PRDM2: variants seen among roughly 807,000 people sequenced by gnomAD.
PRDM2 encodes PR/SET domain 2.
In PRDM2, 30 loss-of-function variants were observed where a neutral mutation model predicts 130.0. The ratio of observed to expected loss-of-function variants is 0.23; its 90% CI spans 0.17 to 0.31. The LOEUF is 0.31. Among genes scored for constraint, PRDM2 ranks in the 10% least tolerant of loss-of-function variants. PRDM2 has a pLI of 1.00. For missense variants in PRDM2, 2,011 were observed against 2,108.4 expected (o/e 0.95, Z 0.90); for synonymous variants, 871 against 782.4 (o/e 1.11, Z -1.89).
intron 4 of PRDM2, among the ~76,000 whole-genome samples, chr1:13,735,614 A>G (rs1489226855): frequency 6.6e-6 from 1 of 152,126 alleles, no homozygotes; most frequent in Non-Finnish European, 1.5e-5. Context: ...GACAGTACAG[A>G]TAGTTCCCAA....
intron 3 of PRDM2, among the ~76,000 whole-genome samples, chr1:13,732,363 C>T (rs1476800773): frequency 6.6e-6 from 1 of 152,082 alleles, no homozygotes; most frequent in African/African-American, 2.4e-5. Context: ...AAGTCATGTT[C>T]ATTAGAGACA....
intron 1 of PRDM2, among the ~76,000 whole-genome samples, chr1:13,711,149 T>A (rs1341179026): frequency 6.6e-6 from 1 of 152,098 alleles, no homozygotes; most frequent in African/African-American, 2.4e-5. Flanking sequence ...TTGGAAAGAT[T>A]TTTCTCTGCC....
At chr1:13,759,072 C>T (rs1346060582) in intron 6 of PRDM2, among the ~76,000 whole-genome samples, 1 of 151,838 alleles carries the variant, frequency 6.6e-6, no homozygotes, top group Non-Finnish European at 1.5e-5. Flanking sequence ...AGTGAATTAG[C>T]TGTCTGTTAC....
intron 6 of PRDM2, among the ~76,000 whole-genome samples, chr1:13,759,179 T>TA (rs1385586370): frequency 2.1e-5 from 3 of 145,456 alleles, no homozygotes; most frequent in African/African-American, 7.6e-5. Context: ...TTTTTTTTTT[T>TA]AAATGAAAAC....
intron 8 of PRDM2, among the ~76,000 whole-genome samples, chr1:13,809,901 C>G (rs1645144067): frequency 6.6e-6 from 1 of 152,154 alleles, no homozygotes; most frequent in African/African-American, 2.4e-5. Flanking sequence ...ATTAGGGTAC[C>G]AGCATGGTTT....
At chr1:13,798,106 G>A (rs1364073781) in intron 8 of PRDM2, among the ~76,000 whole-genome samples, 5 of 152,232 alleles carry the variant, frequency 3.3e-5, no homozygotes, top group East Asian at 1.9e-4. Context: ...TTGGGGGTTC[G>A]CCAACACAGC....
chr1:13,736,522 TTTTTATGA>T (rs2100490531), intron 4 of PRDM2, among the ~76,000 whole-genome samples: 1 of 152,356 alleles, frequency 6.6e-6, no homozygotes, highest in African/African-American at 2.4e-5. Context: ...TGTTTTAATG[TTTTTATGA>T]TTATAAATAA....
In PRDM2 at chr1:13,778,899, G is replaced by C. The variant is rs1369841509; in HGVS notation, c.1104G>C (p.Lys368Asn). 3.1e-6 allele frequency: 5 copies of C among 1,614,082 alleles called. No individual in the cohort carries two copies. The highest frequency in any genetic ancestry group is 4.2e-6 in the Non-Finnish European group (5 of 1,180,048). Residue 368 changes from lysine to asparagine, a missense_variant, in exon 8 of 10, where the codon AAG becomes AAC. Lys to Asn is a moderately conservative substitution (Grantham distance 94, BLOSUM62 0). Around this residue, in one of 5 missense-constraint regions of PRDM2, gnomAD observed 1,288 missense variants for 1,237.7 expected, o/e 1.04. Transcript: ENST00000311066. ...FMFPCQHCER[K>N]FTTKQGLERH... is the part of the protein sequence containing the mutation. ...TTCCGTGTCAACATTGTGAAAGGAAGTTTACAACCAAACAGGGGCTTGAGC... is the reference window on the plus strand; with the variant it reads ...TTCCGTGTCAACATTGTGAAAGGAACTTTACAACCAAACAGGGGCTTGAGC...
rs752698612 is a variant in PRDM2, at chr1:13,778,684, G to T, written c.889G>T (p.Ala297Ser). 10 of 1,614,088 alleles carry T rather than the reference G, an allele frequency of 6.2e-6. No individual in the cohort carries two copies. Among genetic ancestry groups the T allele is most frequent in the Non-Finnish European group, 8.5e-6 (10 of 1,180,052 alleles). The change falls in exon 8 of 10, where the codon GCC becomes TCC. Residue 297 changes from alanine (A) to serine (S), a missense_variant. Coordinates refer to ENST00000311066, the MANE Select transcript of PRDM2 (RefSeq NM_001393986.1). The part of the protein sequence containing the change: ...DELEDEGEEE[A>S]SMPNENSVKE... ...GTTGGAAGACGAGGGGGAAGAAGAAGCCAGCATGCCAAATGAAAATTCTGT... is the reference window on the plus strand; with the variant it reads ...GTTGGAAGACGAGGGGGAAGAAGAATCCAGCATGCCAAATGAAAATTCTGT...
chr1:13,799,958 C>T (rs2014788), intron 8 of PRDM2, among the ~76,000 whole-genome samples: 90,710 of 152,120 alleles, frequency 0.6, 29,650 homozygotes, highest in African/African-American at 0.88. Context: ...TCAGATTCCC[C>T]TTATAAGTGT....
intron 8 of PRDM2, among the ~76,000 whole-genome samples, chr1:13,793,898 T>TG (rs1458345287): frequency 6.6e-6 from 1 of 152,182 alleles, no homozygotes; most frequent in Non-Finnish European, 1.5e-5. Context: ...ATGCAGCTTG[T>TG]GGGCTGCAGG....
intron 6 of PRDM2, among the ~76,000 whole-genome samples, chr1:13,750,900 T>C (rs956265374): frequency 7.9e-5 from 12 of 152,250 alleles, no homozygotes; most frequent in African/African-American, 2.9e-4. Flanking sequence ...GTATTCATTT[T>C]GTTTATAACT....
chr1:13,782,436 C>T lies in PRDM2; in HGVS notation c.4641C>T (p.Pro1547=). ...RSSGPTQVPL[P]SSSFRSKQNV... ...CAGGCCCCACCCAAGTCCCACTTCC[C>T]TCCTCATCCTTCAGGTCCAAGCAGA... The change falls in exon 8 of 10, where the codon CCC becomes CCT. Residue 1547 remains proline (P), a synonymous_variant. Transcript: ENST00000311066. The T allele has an allele frequency of 6.2e-7, 1 of 1,614,060 alleles. No homozygotes were observed. Among genetic ancestry groups the T allele is most frequent in the Non-Finnish European group, 8.5e-7 (1 of 1,180,038 alleles).
chr1:13,811,189 A>G (rs77878189), intron 8 of PRDM2, among the ~76,000 whole-genome samples: 2 of 151,468 alleles, frequency 1.3e-5, no homozygotes, highest in African/African-American at 4.9e-5. Flanking sequence ...GTCTCAAAAG[A>G]AAAAAAAAGA....
At chr1:13,809,160 T>C (rs1259158513) in intron 8 of PRDM2, among the ~76,000 whole-genome samples, 1 of 152,198 alleles carries the variant, frequency 6.6e-6, no homozygotes, top group African/African-American at 2.4e-5. Flanking sequence ...CAGGCTGGAC[T>C]TGATGTATCA....
rs1645033418 is a variant in PRDM2, at chr1:13,803,068, C to G, written c.5037-13359C>G. Among the ~76,000 whole-genome samples, 2 of 152,294 alleles carry G rather than the reference C, an allele frequency of 1.3e-5. No individual in the cohort carries two copies. The highest frequency in any genetic ancestry group is 4.1e-4 in the South Asian group (2 of 4,824). On this transcript the variant is annotated intron_variant, in intron 8 of 9. Transcript: ENST00000311066. This position sits in a 1 kb window ranked among gnomAD's most constrained non-coding sequence, Gnocchi z 6.2. Reference sequence around the variant, plus strand: ...TCCAGCCGAGGTGACATTCTCCAGACTTGAACCCCTGTGCTGAATGGAGTG... The same window carrying G: ...TCCAGCCGAGGTGACATTCTCCAGAGTTGAACCCCTGTGCTGAATGGAGTG...
chr1:13,711,227 ATTAG>A (rs1346371164), intron 1 of PRDM2, among the ~76,000 whole-genome samples: 1 of 152,156 alleles, frequency 6.6e-6, no homozygotes, highest in Non-Finnish European at 1.5e-5. Context: ...GATACCATGT[ATTAG>A]TTAAATGGGT....
chr1:13,764,737 A>G (rs755814371), intron 6 of PRDM2, among the ~76,000 whole-genome samples: 28 of 152,256 alleles, frequency 1.8e-4, no homozygotes, highest in South Asian at 6.2e-4. Context: ...TTATACTGCA[A>G]TCTGCAGAAC....
Position 13,781,072 on chromosome 1 carries a change from G to A in PRDM2, c.3277G>A (p.Ala1093Thr). 1 of 1,613,186 alleles carries A rather than the reference G, an allele frequency of 6.2e-7. No individual in the cohort carries two copies. The highest frequency in any genetic ancestry group is 8.5e-7 in the Non-Finnish European group (1 of 1,179,366). ...SVVSSGDNLE[A>T]SLPMISFKQE... ...TGTTTCCTCTGGTGATAATCTGGAG[G>A]CTTCTCTCCCCATGATATCTTTCAA... Residue 1093 changes from alanine (A) to threonine (T), a missense_variant, in exon 8 of 10, where the codon GCT becomes ACT. By Grantham distance (58) the Ala-to-Thr change is moderately conservative (BLOSUM62 0). This residue lies in a region of PRDM2 where 1,288 missense variants were observed against 1,237.7 expected (regional missense o/e 1.04). Transcript: ENST00000311066. The surrounding 1 kb of genome is among the most constrained non-coding windows in gnomAD (Gnocchi z 6.1).
Sources: gnomAD v4.1 joint callset for allele counts (sites outside exome capture counted in the v4.1 genomes callset) on GRCh38, gnomAD v4.1.1 for gene constraint, gnomAD v4.1.1 regional missense constraint, Gnocchi (gnomAD v3.1) non-coding constraint, MANE v1.5 for transcripts, NCBI Gene and HGNC (gene_info 2026-07-23, HGNC 2026-07-21) for gene names.